The following INSL6 variants were observed in gnomAD, a reference collection of about 807,000 sequenced individuals.
INSL6 encodes the protein insulin-like peptide INSL6.
In INSL6, 16 loss-of-function variants were observed where a neutral mutation model predicts 9.4. The observed-to-expected ratio is 1.70, with a 90% CI of 1.15 to 2.59. The LOEUF (loss-of-function observed/expected upper bound fraction) is 2.59. Among genes scored for constraint, INSL6 ranks in the 30% most tolerant of loss-of-function variants. INSL6 has a pLI of 0.00. For missense variants in INSL6, 391 were observed against 257.3 expected, an observed-to-expected ratio of 1.52 and a Z score of -3.56; for synonymous variants, 154 against 96.9, an observed-to-expected ratio of 1.59 and a Z score of -3.46.
At chr9:5,138,073 C>G (rs1463024721) in intron 2 of INSL6, among the ~76,000 whole-genome samples, 1 of 152,120 alleles carries the variant, frequency 6.6e-6, no homozygotes, top group East Asian at 1.9e-4. Flanking sequence ...ATTAAAAAGT[C>G]AGGAAACAAC....
the INSL6 span, among the ~76,000 whole-genome samples, chr9:5,088,398 C>G: frequency 1.3e-5 from 2 of 152,256 alleles, no homozygotes; most frequent in Non-Finnish European, 1.5e-5. Flanking sequence ...TTGTTTTATC[C>G]TGTAAGAATG....
chr9:5,122,634 T>C (rs960996170), downstream of INSL6, among the ~76,000 whole-genome samples: 1 of 152,082 alleles, frequency 6.6e-6, no homozygotes, highest in African/African-American at 2.4e-5. Flanking sequence ...ACTCAGCATA[T>C]ATCCATATTC....
At chr9:5,041,236 G>T in the INSL6 span, 1 of 1,465,588 alleles carries the variant, frequency 6.8e-7, no homozygotes, top group Non-Finnish European at 9.4e-7. Context: ...CGGGGACCAA[G>T]CGGCAGCACG....
At chr9:5,121,456 A>C (rs1291765379), downstream of INSL6, among the ~76,000 whole-genome samples, 2 of 152,092 alleles carry the variant, frequency 1.3e-5, no homozygotes, top group Non-Finnish European at 2.9e-5. Flanking sequence ...AGGAAAATAC[A>C]CTTTTCATAT....
rs180795987 is a variant in INSL6, at chr9:5,177,435, C to A, written c.289+7879G>T. ...GCAGATCAGGAGATCCCATTGTGAG[C>A]CCATGCCACTAGGGCCTTGGGTTCG... On this transcript the variant is annotated intron_variant, in intron 1 of 1. Coordinates refer to ENST00000381641, the MANE Select transcript of INSL6 (RefSeq NM_007179.3). Among the ~76,000 whole-genome samples, 329 of 152,306 alleles carry A rather than the reference C, an allele frequency of 2.2e-3. 3 individuals are homozygous for A. Among genetic ancestry groups the A allele is most frequent in the Non-Finnish European group, 3.5e-3 (235 of 68,020 alleles).
the INSL6 span, among the ~76,000 whole-genome samples, chr9:5,042,807 G>C: frequency 6.6e-6 from 1 of 152,204 alleles, no homozygotes; most frequent in Admixed American, 6.5e-5. Flanking sequence ...ACGGAGGGGT[G>C]GGGCCGCGGC....
intron 2 of INSL6, among the ~76,000 whole-genome samples, chr9:5,139,776 T>C (rs1176253335): frequency 6.6e-6 from 1 of 152,200 alleles, no homozygotes; most frequent in Non-Finnish European, 1.5e-5. Flanking sequence ...TGATTCTGAT[T>C]AGTGCTCATT....
chr9:5,112,258 C>A, the INSL6 span: 23 of 256,126 alleles, frequency 9.0e-5, no homozygotes, highest in East Asian at 2.2e-3. Flanking sequence ...ACCCTGAGGA[C>A]GGCCCTGCGG....
the INSL6 span, among the ~76,000 whole-genome samples, chr9:5,079,476 A>G: frequency 1.3e-5 from 2 of 150,826 alleles, no homozygotes; most frequent in African/African-American, 5.0e-5. Context: ...TCCATCTGCC[A>G]TAAATGCTTG....
the INSL6 span, chr9:5,078,391 C>T: frequency 1.2e-6 from 2 of 1,613,228 alleles, no homozygotes; most frequent in South Asian, 1.1e-5. Context: ...GGAAATCCTC[C>T]TTTCATCAAA....
chr9:5,126,545 C>T, intron 3 of INSL6: 1 of 956,572 alleles, frequency 1.0e-6, no homozygotes, highest in Non-Finnish European at 1.6e-6. Flanking sequence ...GCGGAGCTTC[C>T]AGATAAACAG....
chr9:5,171,082 C>A (rs551914705), intron 1 of INSL6, among the ~76,000 whole-genome samples: 3 of 152,260 alleles, frequency 2.0e-5, no homozygotes, highest in African/African-American at 7.2e-5. Flanking sequence ...ATGTAAAAAT[C>A]CTCAATAAAA....
At chr9:5,051,026 C>T in the INSL6 span, among the ~76,000 whole-genome samples, 1 of 152,036 alleles carries the variant, frequency 6.6e-6, no homozygotes, top group African/African-American at 2.4e-5. Flanking sequence ...TTGAACTTAC[C>T]AGTTGAGCAC....
chr9:5,047,330 C>T, the INSL6 span, among the ~76,000 whole-genome samples: 4 of 152,122 alleles, frequency 2.6e-5, no homozygotes, highest in Non-Finnish European at 5.9e-5. Flanking sequence ...GTTCTTAAGA[C>T]AGTACCTGTA....
intron 1 of INSL6, among the ~76,000 whole-genome samples, chr9:5,166,711 C>T (rs1464646794): frequency 6.6e-6 from 1 of 152,036 alleles, no homozygotes; most frequent in Non-Finnish European, 1.5e-5. Flanking sequence ...ATGGGTGGTT[C>T]CACTTATTTT....
chr9:5,126,261 C>G (rs1823988553), intron 3 of INSL6: 6 of 1,073,698 alleles, frequency 5.6e-6, no homozygotes, highest in African/African-American at 3.2e-5. Flanking sequence ...TTCCCATTGA[C>G]TGGAGGAAAT....
chr9:5,024,509 G>A, the INSL6 span, among the ~76,000 whole-genome samples: 1 of 152,022 alleles, frequency 6.6e-6, no homozygotes, highest in Admixed American at 6.6e-5. Flanking sequence ...AGAACAGCTT[G>A]AGGTGAAAGC....
chr9:5,132,515 AAC>A (rs1384490549), intron 3 of INSL6, among the ~76,000 whole-genome samples: 2 of 152,012 alleles, frequency 1.3e-5, no homozygotes, highest in African/African-American at 4.8e-5. Flanking sequence ...TTAGCTGTTT[AAC>A]AATCAGATTC....
downstream of INSL6, among the ~76,000 whole-genome samples, chr9:5,162,623 T>C (rs1220217698): frequency 1.3e-5 from 2 of 152,216 alleles, no homozygotes; most frequent in Non-Finnish European, 2.9e-5. Flanking sequence ...TGAACCGTAA[T>C]ATAATCTGTC....
Sources: gnomAD v4.1 joint callset for allele counts (sites outside exome capture counted in the v4.1 genomes callset) on GRCh38, gnomAD v4.1.1 for gene constraint, MANE v1.5 for transcripts, NCBI Gene and HGNC (gene_info 2026-07-23, HGNC 2026-07-21) for gene names.